Variants in CNGB1 observed in about 807,000 individuals in gnomAD.
CNGB1 encodes the protein cyclic nucleotide gated channel subunit beta 1, also known as cyclic nucleotide-gated channel beta-1.
CNGB1 carries 126 observed loss-of-function variants against 151.7 expected under a neutral mutation model. That is an observed-to-expected ratio of 0.83 (90% CI 0.72 to 0.96). CNGB1 has a LOEUF of 0.96. Among genes scored for constraint, CNGB1 ranks in the 40% least tolerant of loss-of-function variants. The pLI, the probability that CNGB1 is intolerant of heterozygous loss-of-function variation, is 0.00. For missense variants in CNGB1, 1,698 were observed against 1,627.0 expected, an observed-to-expected ratio of 1.04 and a Z score of -0.75; for synonymous variants, 623 against 635.1, an observed-to-expected ratio of 0.98 and a Z score of 0.29.
intron 1 of CNGB1, among the ~76,000 whole-genome samples, chr16:57,967,870 G>A (rs906639892): frequency 1.3e-5 from 2 of 152,024 alleles, no homozygotes; most frequent in Non-Finnish European, 2.9e-5. Context: ...AAAGAAGCTG[G>A]TTGCAACAAT....
intron 17 of CNGB1, among the ~76,000 whole-genome samples, chr16:57,929,558 A>C (rs1396955123): frequency 6.6e-6 from 1 of 152,194 alleles, no homozygotes; most frequent in Admixed American, 6.5e-5. Context: ...TTAACAGGAA[A>C]TATAACTGGG....
chr16:57,918,826 A>G (rs1238635770), intron 20 of CNGB1, among the ~76,000 whole-genome samples: 3 of 152,130 alleles, frequency 2.0e-5, no homozygotes, highest in Non-Finnish European at 4.4e-5. Flanking sequence ...CAGCCTCTCA[A>G]GTAGCTGGGA....
Position 57,884,498 on chromosome 16 carries a change from G to A in CNGB1, c.3463-41C>T, listed in dbSNP as rs779446425. The A allele has an allele frequency of 2.5e-6, 4 of 1,611,266 alleles. No individual in the cohort carries two copies. The South Asian group carries it at 4.4e-5, about 18-fold the overall frequency. ...GGTGACTCGTGAGGCACAGACTCTC[G>A]GAGGGGTCTTGGAAGGGTCTTGGAC... On this transcript the variant is annotated intron_variant, in intron 32 of 32. Coordinates refer to ENST00000251102, the MANE Select transcript of CNGB1 (RefSeq NM_001297.5).
chr16:57,943,202 G>T (rs1432238286), intron 14 of CNGB1, among the ~76,000 whole-genome samples: 1 of 152,088 alleles, frequency 6.6e-6, no homozygotes, highest in African/African-American at 2.4e-5. Context: ...GAAAAAAACT[G>T]ATTTTAAAAA....
At chr16:57,958,212 C>G (rs1410576216) in intron 11 of CNGB1, among the ~76,000 whole-genome samples, 198 bp downstream of exon 11, 1 of 147,194 alleles carries the variant, frequency 6.8e-6, no homozygotes, top group Non-Finnish European at 1.5e-5. Flanking sequence ...GCACCTCCCC[C>G]GCTGACTGTG....
chr16:57,961,631 G>GGAATGAAT (rs10533777), intron 7 of CNGB1, among the ~76,000 whole-genome samples: 2,765 of 150,890 alleles, frequency 0.018, 33 homozygotes, highest in East Asian at 0.032. Flanking sequence ...GCTGCAGCAA[G>GGAATGAAT]GAATGAATGA....
intron 14 of CNGB1, among the ~76,000 whole-genome samples, chr16:57,942,320 T>TA (rs1178126074): frequency 1.6e-4 from 24 of 150,912 alleles, no homozygotes; most frequent in South Asian, 8.4e-4. Flanking sequence ...ATCTTATATA[T>TA]AAAAAAAAAC....
intron 25 of CNGB1, among the ~76,000 whole-genome samples, chr16:57,905,259 C>T (rs1960515317): frequency 6.6e-6 from 1 of 152,184 alleles, no homozygotes; most frequent in Non-Finnish European, 1.5e-5. Context: ...TTGCTATCTC[C>T]TGCCATATTG....
chr16:57,920,334 G>A (rs1262908807), intron 19 of CNGB1, 53 bp downstream of exon 19: 1 of 1,605,264 alleles, frequency 6.2e-7, no homozygotes, highest in South Asian at 1.1e-5. Context: ...AGGGAACTTT[G>A]GAGGCCCCAC....
At position 57,919,190 on chromosome 16, in the gene CNGB1, T is replaced by C. The variant is rs779274827; in HGVS notation, c.1866A>G (p.Glu622=). 1 of 1,614,234 alleles carries C rather than the reference T, an allele frequency of 6.2e-7. No homozygotes were observed. The highest frequency in any genetic ancestry group is 2.2e-5 in the East Asian group (1 of 44,890). The change falls in exon 20 of 33, where the codon GAA becomes GAG. Residue 622 remains glutamate, a synonymous_variant. Transcript: ENST00000251102. ...AGAGCATGTCGCAATAGTGCTCCTC[T>C]TCCACTGGCTCGGCTTCAGCGGGCT... The part of the protein sequence containing the change: ...DTKPAEAEPV[E]EEHYCDMLCC...
At chr16:57,955,325 A>T in intron 12 of CNGB1, 2 of 1,551,758 alleles carry the variant, frequency 1.3e-6, no homozygotes, top group Non-Finnish European at 1.7e-6. Flanking sequence ...GCTCTCCCAG[A>T]TTCCCTTCTC....
At chr16:57,912,293 C>G (rs1287352257) in intron 24 of CNGB1, among the ~76,000 whole-genome samples, 1 of 152,196 alleles carries the variant, frequency 6.6e-6, no homozygotes, top group Non-Finnish European at 1.5e-5. Context: ...TACACCTGTT[C>G]CCATTCTGTT....
intron 29 of CNGB1, among the ~76,000 whole-genome samples, chr16:57,898,218 T>C (rs1469086507): frequency 1.3e-5 from 2 of 152,124 alleles, no homozygotes; most frequent in Non-Finnish European, 2.9e-5. Context: ...GCAGGTATAA[T>C]GGAATTCTGC....
chr16:57,951,902 G>A (rs1961957401), intron 12 of CNGB1, among the ~76,000 whole-genome samples: 1 of 152,184 alleles, frequency 6.6e-6, no homozygotes. Context: ...CTGCCCTCTA[G>A]GGAAGCCCCA....
At chr16:57,960,662 G>T in intron 8 of CNGB1, 132 bp from the exon 9 acceptor site, 1 of 1,323,532 alleles carries the variant, frequency 7.6e-7, no homozygotes, top group Non-Finnish European at 1.1e-6. Context: ...CTCTCCTTCT[G>T]AATCCCGGCC....
chr16:57,904,949 C>A, intron 25 of CNGB1, 74 bp from the exon 26 acceptor site: 1 of 1,579,576 alleles, frequency 6.3e-7, no homozygotes, highest in Non-Finnish European at 8.7e-7. Context: ...CTGGCTCAGA[C>A]GCCTCTGATA....
At chr16:57,912,830 G>C (rs1960763658) in intron 24 of CNGB1, 100 bp downstream of exon 24, 3 of 1,202,466 alleles carry the variant, frequency 2.5e-6, no homozygotes, top group East Asian at 2.4e-5. Flanking sequence ...TCGTGTGTGT[G>C]TTGTGTGTGT....
chr16:57,937,806 A>G (rs1354425789), intron 16 of CNGB1, among the ~76,000 whole-genome samples: 1 of 152,186 alleles, frequency 6.6e-6, no homozygotes, highest in Non-Finnish European at 1.5e-5. Context: ...TGGGCTGTGC[A>G]TTGGAATCAC....
At chr16:57,960,675 CT>C in intron 8 of CNGB1, 145 bp from the exon 9 acceptor site, 1 of 1,286,380 alleles carries the variant, frequency 7.8e-7, no homozygotes, top group Non-Finnish European at 1.1e-6. Context: ...TCCCGGCCCC[CT>C]CTCACAGTCA....
Sources: gnomAD v4.1 joint callset for allele counts (sites outside exome capture counted in the v4.1 genomes callset) on GRCh38, gnomAD v4.1.1 for gene constraint, MANE v1.5 for transcripts, NCBI Gene and HGNC (gene_info 2026-07-23, HGNC 2026-07-21) for gene names.